The following RNF145 variants were observed in gnomAD, a reference collection of about 807,000 sequenced individuals.
The protein encoded by RNF145 is ring finger protein 145.
Under a neutral mutation model 57.3 loss-of-function variants are expected in RNF145, and 12 were observed. That is an observed-to-expected ratio of 0.21 (90% confidence interval 0.13 to 0.34). RNF145 has a LOEUF of 0.34. Among genes scored for constraint, RNF145 ranks in the 10% least tolerant of loss-of-function variants. The pLI is 1.00. For synonymous variants in RNF145, 262 were observed against 288.3 expected (o/e 0.91, Z 0.92); for missense variants, 429 against 799.0 (o/e 0.54, Z 5.58).
At chr5:159,190,427 T>C (rs1167754443) in intron 3 of RNF145, among the ~76,000 whole-genome samples, 1 of 152,116 alleles carries the variant, frequency 6.6e-6, no homozygotes, top group Non-Finnish European at 1.5e-5. Flanking sequence ...GACTCATACC[T>C]GTAATCCCAA....
intron 6 of RNF145, among the ~76,000 whole-genome samples, chr5:159,172,458 C>T (rs979124554): frequency 2.0e-5 from 3 of 151,108 alleles, no homozygotes; most frequent in African/African-American, 7.3e-5. Context: ...TCCAGCTGGG[C>T]GACGGAGCCA....
At chr5:159,181,930 C>A in intron 4 of RNF145, 30 bp downstream of exon 4, 1 of 1,319,104 alleles carries the variant, frequency 7.6e-7, no homozygotes, top group Non-Finnish European at 1.1e-6. Context: ...TCGGTTCCTA[C>A]CTACACTTTA....
intron 1 of RNF145, among the ~76,000 whole-genome samples, chr5:159,205,483 G>C (rs1210875686): frequency 6.6e-6 from 1 of 152,108 alleles, no homozygotes; most frequent in Non-Finnish European, 1.5e-5. Flanking sequence ...TGTTGGTAAA[G>C]AGTTTAATGC....
chr5:159,164,184 A>T (rs1483353500), intron 8 of RNF145, among the ~76,000 whole-genome samples: 2 of 152,178 alleles, frequency 1.3e-5, no homozygotes, highest in Admixed American at 1.3e-4. Context: ...TATGGTAAAA[A>T]TTAAAGCTGC....
intron 8 of RNF145, among the ~76,000 whole-genome samples, chr5:159,165,640 G>A (rs749337713): frequency 0.024 from 237 of 9,842 alleles, 75 homozygotes; most frequent in Non-Finnish European, 0.03. Context: ...CCGAGATCCC[G>A]CCACTGCACT....
chr5:159,169,118 A>G, intron 7 of RNF145, 63 bp from the exon 8 acceptor site: 1 of 1,305,136 alleles, frequency 7.7e-7, no homozygotes, highest in South Asian at 1.7e-5. Context: ...ATTCAAAGAG[A>G]AAAATAATCC....
At chr5:159,166,326 G>A (rs556105504) in intron 8 of RNF145, among the ~76,000 whole-genome samples, 1 of 152,112 alleles carries the variant, frequency 6.6e-6, no homozygotes, top group Non-Finnish European at 1.5e-5. Flanking sequence ...AGTTTGTAAT[G>A]ACCATTTCTA....
At chr5:159,170,730 G>A (rs1043598240) in intron 6 of RNF145, among the ~76,000 whole-genome samples, 1 of 152,148 alleles carries the variant, frequency 6.6e-6, no homozygotes, top group Non-Finnish European at 1.5e-5. Context: ...AAGTAGCTAA[G>A]ACCGTAAGAG....
intron 1 of RNF145, chr5:159,207,789 T>A: frequency 6.2e-7 from 1 of 1,614,152 alleles, no homozygotes. Flanking sequence ...AATTCTGTGG[T>A]TTCTCATCAT....
At chr5:159,162,119 G>A (rs1245516523) in intron 9 of RNF145, among the ~76,000 whole-genome samples, 2 of 152,088 alleles carry the variant, frequency 1.3e-5, no homozygotes, top group African/African-American at 2.4e-5. Context: ...ATCATTTCTA[G>A]GGCAATATTT....
chr5:159,208,213 G>A, intron 1 of RNF145: 3 of 1,297,312 alleles, frequency 2.3e-6, no homozygotes, highest in Non-Finnish European at 3.0e-6. Flanking sequence ...AGCAGCAGTA[G>A]CAGCAGCAAC....
intron 1 of RNF145, among the ~76,000 whole-genome samples, chr5:159,205,440 C>T (rs1033532194): frequency 6.6e-6 from 1 of 152,020 alleles, no homozygotes; most frequent in African/African-American, 2.4e-5. Context: ...TTTCTAATCC[C>T]AGGAAAAAAT....
chr5:159,192,912 T>C (rs1445934873), intron 3 of RNF145, among the ~76,000 whole-genome samples: 1 of 152,236 alleles, frequency 6.6e-6, no homozygotes, highest in Non-Finnish European at 1.5e-5. Context: ...TTACACTCTA[T>C]AGATACAATT....
chr5:159,209,044 C>T (rs549274722), intron 1 of RNF145, among the ~76,000 whole-genome samples, 187 bp downstream of exon 1: 5 of 151,280 alleles, frequency 3.3e-5, no homozygotes, highest in Admixed American at 2.0e-4. Context: ...AGGGGTGCTG[C>T]GGCTGAAGAG....
At chr5:159,174,828 T>C (rs1234969084) in intron 5 of RNF145, among the ~76,000 whole-genome samples, 2 of 152,122 alleles carry the variant, frequency 1.3e-5, no homozygotes, top group East Asian at 1.9e-4. Flanking sequence ...CTAAATTAGT[T>C]TTCCAGTTTA....
Position 159,161,575 on chromosome 5 carries a change from G to C in RNF145, c.1317C>G (p.Phe439Leu), listed in dbSNP as rs763336053. 39 of 1,611,026 alleles carry C rather than the reference G, an allele frequency of 2.4e-5. 1 individual carries two copies. The South Asian group carries it at 3.6e-4, about 15-fold the overall frequency. The change falls in exon 10 of 11, where the codon TTC (phenylalanine) becomes TTG (leucine). Residue 439 changes from phenylalanine to leucine, a missense_variant. By Grantham distance (22) the Phe-to-Leu change is conservative. This residue lies in a region of RNF145 where 216 missense variants were observed against 457.6 expected (regional missense o/e 0.47). Transcript: ENST00000424310. ...CCATGTTTTCCACTGGCTCTTTTCT[G>C]AATTCCTCAACCATAAATAAGACAT... ...FIYVLFMVEE[F>L]RKEPVENMDD...
chr5:159,180,885 T>C (rs1431985205), intron 4 of RNF145, among the ~76,000 whole-genome samples: 2 of 152,004 alleles, frequency 1.3e-5, no homozygotes, highest in African/African-American at 2.4e-5. Context: ...GTTTTAGATT[T>C]TGCAGGCTGA....
intron 3 of RNF145, 31 bp from the exon 4 acceptor site, chr5:159,182,082 A>T (rs1584686723): frequency 7.9e-7 from 1 of 1,264,406 alleles, no homozygotes; most frequent in East Asian, 2.3e-5. Context: ...GAATGTATAT[A>T]TTAGATACAT....
At chr5:159,161,081 A>G (rs1266596605) in intron 10 of RNF145, 185 bp downstream of exon 10, 1 of 538,778 alleles carries the variant, frequency 1.9e-6, no homozygotes, top group Non-Finnish European at 3.3e-6. Context: ...ACTAAATTTA[A>G]AACTTAATTT....
Sources: gnomAD v4.1 joint callset for allele counts (sites outside exome capture counted in the v4.1 genomes callset) on GRCh38, gnomAD v4.1.1 for gene constraint, gnomAD v4.1.1 regional missense constraint, MANE v1.5 for transcripts, NCBI Gene and HGNC (gene_info 2026-07-23, HGNC 2026-07-21) for gene names.